The following SPAG16 variants were observed in gnomAD, a reference collection of about 807,000 sequenced individuals.
The protein encoded by SPAG16 is sperm-associated antigen 16 protein.
A neutral mutation model predicts 80.4 loss-of-function variants in SPAG16; 86 were observed. That is an observed-to-expected ratio of 1.07 (90% CI 0.90 to 1.28). The LOEUF (loss-of-function observed/expected upper bound fraction) is 1.28, where lower values mean the gene tolerates loss of function less well. SPAG16 is among the 50% of genes most tolerant of loss of function. The pLI is 0.00. For missense variants in SPAG16, 870 were observed against 765.3 expected (o/e 1.14, Z -1.61); for synonymous variants, 294 against 265.9 (o/e 1.11, Z -1.03).
chr2:213,703,023 A>G lies in SPAG16; in HGVS notation c.1071-159462A>G, dbSNP rs928396261. Among the ~76,000 whole-genome samples the G allele has an allele frequency of 2.0e-5, 3 of 152,210 alleles. 1 individual carries two copies. The highest frequency in any genetic ancestry group is 4.4e-5 in the Non-Finnish European group (3 of 68,036). On this transcript the variant is annotated intron_variant, in intron 10 of 15. Coordinates refer to ENST00000331683, the MANE Select transcript of SPAG16 (RefSeq NM_024532.5). ...CAGGTGTGCTCATGTGATATGGTCC[A>G]TGAAATGTCCATAGAAGTGGAGGGT... is the stretch of plus-strand genomic sequence containing the variant.
intron 10 of SPAG16, among the ~76,000 whole-genome samples, chr2:213,641,876 G>C (rs2062604626): frequency 6.6e-6 from 1 of 152,168 alleles, no homozygotes; most frequent in African/African-American, 2.4e-5. Context: ...AGGGAAGCAA[G>C]AACTTTCCTC....
At chr2:213,878,911 C>A (rs2076241428) in intron 11 of SPAG16, among the ~76,000 whole-genome samples, 1 of 151,954 alleles carries the variant, frequency 6.6e-6, no homozygotes, top group South Asian at 2.1e-4. Flanking sequence ...GGTGCCCTTT[C>A]CCCAGTGCAT....
intron 10 of SPAG16, among the ~76,000 whole-genome samples, chr2:213,573,014 T>G (rs963268542): frequency 6.6e-6 from 1 of 152,122 alleles, no homozygotes; most frequent in Non-Finnish European, 1.5e-5. Context: ...GGTGCGTCCA[T>G]CACCCCTTTC....
intron 10 of SPAG16, among the ~76,000 whole-genome samples, chr2:213,528,094 A>C (rs2075951622): frequency 6.6e-6 from 1 of 152,176 alleles, no homozygotes. Flanking sequence ...AACAGAAGAG[A>C]TGAAGCTTAT....
At position 213,803,328 on chromosome 2, in the gene SPAG16, G is replaced by A. The variant is rs543226219; in HGVS notation, c.1071-59157G>A. Among the ~76,000 whole-genome samples, 10 of 152,274 alleles carry A rather than the reference G, an allele frequency of 6.6e-5. 2 individuals carry two copies. Among genetic ancestry groups the A allele is most frequent in the African/African-American group, 2.4e-4 (10 of 41,560 alleles). On this transcript the variant is annotated intron_variant, in intron 10 of 15. Coordinates refer to ENST00000331683, the MANE Select transcript of SPAG16 (RefSeq NM_024532.5). ...TACTAAAATGTAATGAGAGAATAAT[G>A]AGGCATCATAAATAGAGGAGTGAGA...
chr2:213,973,635 CCT>C (rs1491367540), intron 12 of SPAG16, among the ~76,000 whole-genome samples: 6 of 147,184 alleles, frequency 4.1e-5, no homozygotes, highest in Admixed American at 6.7e-5. Context: ...TAAATTGCCC[CCT>C]TTTTTTTTTT....
intron 9 of SPAG16, among the ~76,000 whole-genome samples, chr2:213,467,695 G>T (rs1182853533): frequency 1.3e-5 from 2 of 152,174 alleles, no homozygotes; most frequent in African/African-American, 4.8e-5. Flanking sequence ...TTGGAGCCAG[G>T]GAGAGAAGCC....
intron 7 of SPAG16, among the ~76,000 whole-genome samples, chr2:213,357,806 T>A (rs917559611): frequency 3.9e-5 from 6 of 152,218 alleles, no homozygotes; most frequent in Admixed American, 3.3e-4. Flanking sequence ...ATTATGATGT[T>A]CGCTGGTTAT....
rs1220706490 is a variant in SPAG16 at position 213,489,947 on chromosome 2, T to A, written c.943-16T>A. The A allele has an allele frequency of 6.3e-7, 1 of 1,587,978 alleles. No individual in the cohort carries two copies. Among genetic ancestry groups the A allele is most frequent in the Non-Finnish European group, 8.6e-7 (1 of 1,169,098 alleles). On this transcript the variant is annotated splice_polypyrimidine_tract_variant and intron_variant, in intron 9 of 15. Coordinates refer to ENST00000331683, the MANE Select transcript of SPAG16 (RefSeq NM_024532.5). ...TGATATTTAACACAGAGCTCTTGTT[T>A]AATTTTTTTCTCTAGGATTCAGAAT... is the stretch of plus-strand genomic sequence containing the variant.
At chr2:213,471,481 A>G (rs1216897211) in intron 9 of SPAG16, among the ~76,000 whole-genome samples, 2 of 152,166 alleles carry the variant, frequency 1.3e-5, no homozygotes, top group Non-Finnish European at 2.9e-5. Context: ...AGTTTCCACC[A>G]AAGCCCAGTA....
intron 12 of SPAG16, among the ~76,000 whole-genome samples, chr2:213,949,179 T>TTGTTTTG (rs2079609025): frequency 2.8e-5 from 1 of 36,244 alleles, no homozygotes. Flanking sequence ...GTTTTTTTTT[T>TTGTTTTG]TTTTTTTTTT....
At chr2:213,453,306 C>A (rs1198615230) in intron 9 of SPAG16, among the ~76,000 whole-genome samples, 5 of 152,124 alleles carry the variant, frequency 3.3e-5, no homozygotes, top group Admixed American at 3.3e-4. Flanking sequence ...ATTTTCAAGT[C>A]AATGAATATA....
intron 15 of SPAG16, among the ~76,000 whole-genome samples, chr2:214,179,000 C>T (rs1227903433): frequency 6.6e-6 from 1 of 151,316 alleles, no homozygotes; most frequent in Non-Finnish European, 1.5e-5. Context: ...AGATGACCCA[C>T]TCTACAATCT....
chr2:213,843,532 G>C (rs565417974), intron 10 of SPAG16, among the ~76,000 whole-genome samples: 2 of 152,234 alleles, frequency 1.3e-5, no homozygotes, highest in Admixed American at 6.5e-5. Flanking sequence ...TTTTTCTCAA[G>C]TTTTTCTAAT....
chr2:213,904,735 G>A (rs2077367664), intron 11 of SPAG16, among the ~76,000 whole-genome samples: 1 of 152,012 alleles, frequency 6.6e-6, no homozygotes, highest in African/African-American at 2.4e-5. Flanking sequence ...CTTGTCATTG[G>A]TTTTCTGGGA....
chr2:213,760,394 G>A lies in SPAG16; in HGVS notation c.1071-102091G>A, dbSNP rs141084611. Among the ~76,000 whole-genome samples the A allele has an allele frequency of 1.8e-3, 281 of 152,126 alleles. 1 individual carries two copies. Among genetic ancestry groups the A allele is most frequent in the African/African-American group, 6.0e-3 (247 of 41,500 alleles). ...AGTTATAACAAGTATAAACATTTAT[G>A]AACCTAGTAACAGATCACTAAATTA... On this transcript the variant is annotated intron_variant, in intron 10 of 15. Transcript: ENST00000331683.
chr2:213,599,008 G>T (rs900380426), intron 10 of SPAG16, among the ~76,000 whole-genome samples: 2 of 152,134 alleles, frequency 1.3e-5, no homozygotes, highest in Non-Finnish European at 2.9e-5. Flanking sequence ...TATAGGAAAG[G>T]TTATGTCTCC....
At chr2:213,805,088 A>C (rs2071685064) in intron 10 of SPAG16, among the ~76,000 whole-genome samples, 1 of 152,182 alleles carries the variant, frequency 6.6e-6, no homozygotes, top group Middle Eastern at 3.2e-3. Context: ...GAGATTGTCA[A>C]ATGTATTTAT....
intron 15 of SPAG16, among the ~76,000 whole-genome samples, chr2:214,170,688 G>A (rs892755471): frequency 6.6e-6 from 1 of 151,942 alleles, no homozygotes; most frequent in Non-Finnish European, 1.5e-5. Flanking sequence ...AGGTCAATTG[G>A]ATGTGTGAAA....
Sources: gnomAD v4.1 joint callset for allele counts (sites outside exome capture counted in the v4.1 genomes callset) on GRCh38, gnomAD v4.1.1 for gene constraint, MANE v1.5 for transcripts, NCBI Gene and HGNC (gene_info 2026-07-23, HGNC 2026-07-21) for gene names.